ZNF254: variants seen among roughly 807,000 people sequenced by gnomAD.
The protein encoded by ZNF254 is zinc finger protein 254.
Under a neutral mutation model 12.4 loss-of-function variants are expected in ZNF254, and 10 were observed. The ratio of observed to expected loss-of-function variants is 0.80; its 90% CI spans 0.50 to 1.36. ZNF254 has a LOEUF of 1.36. Among genes scored for constraint, ZNF254 ranks in the 40% most tolerant of loss-of-function variants. The pLI, the probability that ZNF254 is intolerant of heterozygous loss-of-function variation, is 0.00. For synonymous variants in ZNF254, 305 were observed against 253.4 expected (o/e 1.20, Z -1.93); for missense variants, 996 against 763.9 (o/e 1.30, Z -3.58).
intron 2 of ZNF254, among the ~76,000 whole-genome samples, chr19:24,061,229 C>G (rs1278998232): frequency 6.6e-6 from 1 of 151,124 alleles, no homozygotes; most frequent in African/African-American, 2.5e-5. Context: ...TATTTTTGTT[C>G]ATCACCTAAC....
intron 2 of ZNF254, among the ~76,000 whole-genome samples, chr19:24,048,114 C>T (rs8110727): frequency 0.14 from 21,271 of 149,434 alleles, 1,544 homozygotes; most frequent in Middle Eastern, 0.19. Context: ...GAGCTCCACA[C>T]GTGGCCTGCA....
intron 3 of ZNF254, among the ~76,000 whole-genome samples, chr19:24,117,888 A>G (rs905635223): frequency 1.3e-5 from 2 of 151,782 alleles, no homozygotes; most frequent in Non-Finnish European, 2.9e-5. Flanking sequence ...TCTATCATAC[A>G]TGTCTTCAAG....
chr19:24,112,626 T>G (rs1973759221), intron 3 of ZNF254, among the ~76,000 whole-genome samples: 1 of 151,700 alleles, frequency 6.6e-6, no homozygotes, highest in Admixed American at 6.6e-5. Flanking sequence ...TTTATTTCAT[T>G]GAGCAGTGGT....
At chr19:24,124,584 C>G (rs755103998) in intron 3 of ZNF254, among the ~76,000 whole-genome samples, 8 of 151,732 alleles carry the variant, frequency 5.3e-5, no homozygotes, top group Admixed American at 1.3e-4. Flanking sequence ...AAGGTTTTTA[C>G]TTTTTTTATT....
At chr19:24,107,269 CT>C in intron 3 of ZNF254, 2 of 635,880 alleles carry the variant, frequency 3.1e-6, no homozygotes, top group Non-Finnish European at 5.6e-6. Context: ...ATAAGGAGTT[CT>C]TTAAATCTAC....
chr19:24,109,374 A>G (rs1481813021), intron 3 of ZNF254, among the ~76,000 whole-genome samples: 3 of 152,302 alleles, frequency 2.0e-5, no homozygotes, highest in Admixed American at 6.5e-5. Context: ...TTGTTTGTTA[A>G]TGTACATTAA....
At chr19:24,088,069 CCACAATTTT>C (rs1302496834) in intron 1 of ZNF254, among the ~76,000 whole-genome samples, 1 of 151,740 alleles carries the variant, frequency 6.6e-6, no homozygotes, top group African/African-American at 2.4e-5. Flanking sequence ...GCGCCCGCCA[CCACAATTTT>C]TTTATTTTTA....
intron 2 of ZNF254, among the ~76,000 whole-genome samples, chr19:24,062,140 G>C (rs1371100189): frequency 6.6e-6 from 1 of 151,186 alleles, no homozygotes; most frequent in Non-Finnish European, 1.5e-5. Context: ...TGGTCTCTCT[G>C]TATGAAGGTT....
intron 1 of ZNF254, among the ~76,000 whole-genome samples, chr19:24,037,656 C>G (rs10411906): frequency 0.069 from 10,459 of 152,186 alleles, 532 homozygotes; most frequent in African/African-American, 0.13. Context: ...GTCCCCCAGG[C>G]TGAAGTGCAG....
intron 1 of ZNF254, among the ~76,000 whole-genome samples, chr19:24,042,862 C>G (rs1970230689): frequency 6.6e-6 from 1 of 152,220 alleles, no homozygotes. Context: ...CTTTATTCAT[C>G]TGGCTAAGGT....
Position 24,126,477 on chromosome 19 carries a change from T to A in ZNF254, c.477T>A (p.Tyr159Ter). The stretch of plus-strand genomic sequence containing the variant: ...GCAAAGTATTTCAATGTGATAAATA[T>A]TTGAAAGTCTTCTATAAATTTTTAA... ...AQSKVFQCDK[Y>*]LKVFYKFLNS... The change falls in exon 4 of 4, where the codon TAT becomes TAA. Residue 159 changes from tyrosine to a stop codon, truncating the protein, a stop_gained. Transcript: ENST00000357002. LOFTEE classifies it low-confidence loss of function (END_TRUNC). 6.3e-7 allele frequency: 1 copy of A among 1,587,868 alleles called. No individual in the cohort carries two copies.
At chr19:24,096,047 T>A (rs971059793) in intron 1 of ZNF254, among the ~76,000 whole-genome samples, 3 of 151,082 alleles carry the variant, frequency 2.0e-5, no homozygotes, top group African/African-American at 7.3e-5. Flanking sequence ...TCTGATGTGT[T>A]GTTTTTTAGT....
At position 24,126,837 on chromosome 19, in the gene ZNF254, A is replaced by T; in HGVS notation, c.837A>T (p.Ser279=). The T allele has an allele frequency of 6.2e-7, 1 of 1,613,310 alleles. No individual in the cohort carries two copies. Among genetic ancestry groups the T allele is most frequent in the Non-Finnish European group, 8.5e-7 (1 of 1,179,698 alleles). ...GTGGTGAAGCTTTTAATCGATCCTC[A>T]AATCTTACTACACATAAGATAATTC... ...EECGEAFNRS[S]NLTTHKIIHT... Residue 279 remains serine, a synonymous_variant, in exon 4 of 4, where the codon TCA becomes TCT. Coordinates refer to ENST00000357002, the MANE Select transcript of ZNF254 (RefSeq NM_203282.4).
intron 2 of ZNF254, among the ~76,000 whole-genome samples, chr19:24,070,581 T>C (rs1188673540): frequency 6.6e-6 from 1 of 152,086 alleles, no homozygotes; most frequent in Non-Finnish European, 1.5e-5. Flanking sequence ...CATATTGAGA[T>C]TGTGATTTCT....
intron 3 of ZNF254, among the ~76,000 whole-genome samples, chr19:24,110,686 T>A (rs1401473737): frequency 6.6e-6 from 1 of 152,212 alleles, no homozygotes; most frequent in African/African-American, 2.4e-5. Context: ...AACATTTACC[T>A]ATTTTATGCT....
Position 24,129,800 on chromosome 19 carries a change from G to C in ZNF254, c.*1820G>C, listed in dbSNP as rs767274737. 9.9e-5 allele frequency: 15 copies of C among 151,650 alleles called. No individual in the cohort carries two copies. Among genetic ancestry groups the C allele is most frequent in the African/African-American group, 2.9e-4 (12 of 41,342 alleles). The allele number at this position is 151,650 out of a possible 1,614,324, so 9.4% of individuals were successfully genotyped here. A position where few individuals can be genotyped will look rare whatever the true frequency, so the allele number is the denominator to read the frequency against. The stretch of plus-strand genomic sequence containing the variant: ...TCATAATAAAAAATTTTATACAAAC[G>C]TGTAAAATCTATACATTTCTGAGTT... On this transcript the variant is annotated 3_prime_UTR_variant, in exon 4 of 4. Transcript: ENST00000357002.
rs1469513378 is a variant in ZNF254, at chr19:24,129,886, C to T, written c.*1906C>T. On this transcript the variant is annotated 3_prime_UTR_variant, in exon 4 of 4. Coordinates refer to ENST00000357002, the MANE Select transcript of ZNF254 (RefSeq NM_203282.4). The stretch of plus-strand genomic sequence containing the variant: ...TCTTTGAATATGTGACCTTTGCCTG[C>T]AAGCACATATGGACTCTTAGAATTG... 1.3e-5 allele frequency: 2 copies of T among 151,788 alleles called. No homozygotes were observed. Among genetic ancestry groups the T allele is most frequent in the Non-Finnish European group, 2.9e-5 (2 of 67,964 alleles). 9.4% of individuals were successfully genotyped at this position (151,788 alleles called of 1,614,324 possible).
In ZNF254 at chr19:24,127,739, G is replaced by T; in HGVS notation, c.1739G>T (p.Gly580Val). The change falls in exon 4 of 4, where the codon GGC (glycine) becomes GTC (valine). Residue 580 changes from glycine to valine, a missense_variant. Physicochemically the swap from Gly to Val is moderately radical, Grantham distance 109. Transcript: ENST00000357002. ...AAACCCTATAAATGTGAAGAATGTG[G>T]CAAATCTTTTAACCGGTCTTCAACT... ...GEKPYKCEEC[G>V]KSFNRSSTFT... 2 of 1,612,692 alleles carry T rather than the reference G, an allele frequency of 1.2e-6. No homozygotes were observed. The highest frequency in any genetic ancestry group is 1.7e-6 in the Non-Finnish European group (2 of 1,179,520).
chr19:24,097,779 C>T (rs1972758448), intron 1 of ZNF254, among the ~76,000 whole-genome samples: 1 of 110,196 alleles, frequency 9.1e-6, no homozygotes, highest in Admixed American at 9.0e-5. Flanking sequence ...AAAACTCTAT[C>T]TCAAAAATAA....
Sources: allele counts gnomAD v4.1 joint callset (sites outside exome capture counted in the v4.1 genomes callset), GRCh38; gene constraint gnomAD v4.1.1; transcripts MANE v1.5; gene names NCBI Gene and HGNC (gene_info 2026-07-23, HGNC 2026-07-21).